SLC25A48: variants seen among roughly 807,000 people sequenced by gnomAD.
SLC25A48 encodes the protein solute carrier family 25 member 48, also known as CTC-321K16.1.
In SLC25A48, 29 loss-of-function variants were observed where a neutral mutation model predicts 32.2. That is an observed-to-expected ratio of 0.90 (90% confidence interval 0.67 to 1.23). SLC25A48 has a LOEUF of 1.23. Among genes scored for constraint, SLC25A48 ranks in the 50% most tolerant of loss-of-function variants. SLC25A48 has a pLI of 0.00. For missense variants in SLC25A48, 399 were observed against 422.7 expected, an observed-to-expected ratio of 0.94 and a Z score of 0.49; for synonymous variants, 164 against 172.3, an observed-to-expected ratio of 0.95 and a Z score of 0.38.
At chr5:135,761,701 AT>A (rs1756064446) in intron 3 of SLC25A48, among the ~76,000 whole-genome samples, 1 of 152,236 alleles carries the variant, frequency 6.6e-6, no homozygotes, top group Admixed American at 6.5e-5. Context: ...AACCGTATTC[AT>A]GGGAAACACA....
At chr5:135,596,449 C>T (rs1048993930) in intron 1 of SLC25A48, among the ~76,000 whole-genome samples, 38 of 152,304 alleles carry the variant, frequency 2.5e-4, no homozygotes, top group African/African-American at 8.7e-4. Flanking sequence ...TTAACAGCAA[C>T]ACCATGTCCC....
intron 4 of SLC25A48, among the ~76,000 whole-genome samples, chr5:135,858,066 A>G (rs60439826): frequency 9.6e-4 from 143 of 148,858 alleles, no homozygotes; most frequent in African/African-American, 3.3e-3. Flanking sequence ...CTGTATGGCA[A>G]TCTGCCCATG....
In SLC25A48 at chr5:135,622,562, C is replaced by T. The variant is rs376447662; in HGVS notation, c.-848-6675C>T. Among the ~76,000 whole-genome samples, 27 of 152,060 alleles carry T rather than the reference C, an allele frequency of 1.8e-4. 1 individual carries two copies. The highest frequency in any genetic ancestry group is 6.3e-4 in the African/African-American group (26 of 41,480). ...ATGCTCATAATGTATTAAGTGAAAA[C>T]ACCAGGATATAAGCTATATATAGCA... On this transcript the variant is annotated intron_variant, in intron 1 of 10. Coordinates refer to the SLC25A48 transcript ENST00000646290.
At chr5:135,695,173 G>C (rs953308041) in intron 3 of SLC25A48, among the ~76,000 whole-genome samples, 1 of 152,134 alleles carries the variant, frequency 6.6e-6, no homozygotes, top group Non-Finnish European at 1.5e-5. Flanking sequence ...TCATTCATGA[G>C]TCAACTCCAA....
chr5:135,788,796 C>T (rs1187811133), intron 3 of SLC25A48, among the ~76,000 whole-genome samples: 2 of 148,864 alleles, frequency 1.3e-5, no homozygotes, highest in Non-Finnish European at 3.0e-5. Flanking sequence ...TATTACTCCC[C>T]GTGTGGTGGT....
At chr5:135,854,147 G>C (rs1297681417) in intron 4 of SLC25A48, among the ~76,000 whole-genome samples, 1 of 152,210 alleles carries the variant, frequency 6.6e-6, no homozygotes, top group East Asian at 1.9e-4. Flanking sequence ...AGGCCTTGTT[G>C]TTCCTTTTCT....
At chr5:135,747,327 G>A (rs1192047024) in intron 3 of SLC25A48, among the ~76,000 whole-genome samples, 1 of 139,272 alleles carries the variant, frequency 7.2e-6, no homozygotes, top group Non-Finnish European at 1.5e-5. Flanking sequence ...TTTTTTTTTG[G>A]AGTCTCACTA....
chr5:135,831,089 C>G (rs1758193710), upstream of SLC25A48, among the ~76,000 whole-genome samples: 1 of 152,090 alleles, frequency 6.6e-6, no homozygotes, highest in South Asian at 2.1e-4. Flanking sequence ...GAGGGAGCTG[C>G]AGGTGGAGGG....
intron 3 of SLC25A48, among the ~76,000 whole-genome samples, chr5:135,807,657 A>G (rs1164313687): frequency 6.7e-6 from 1 of 149,196 alleles, no homozygotes; most frequent in Non-Finnish European, 1.5e-5. Flanking sequence ...TATTAATATC[A>G]TAGTTTGTTA....
chr5:135,755,110 A>G (rs539369851), intron 3 of SLC25A48, among the ~76,000 whole-genome samples: 1 of 152,208 alleles, frequency 6.6e-6, no homozygotes, highest in East Asian at 1.9e-4. Context: ...GTGCTTACAC[A>G]CTGTGATATT....
At chr5:135,748,034 CATCTGGAGCCCA>C (rs1346035832) in intron 3 of SLC25A48, among the ~76,000 whole-genome samples, 1 of 152,170 alleles carries the variant, frequency 6.6e-6, no homozygotes, top group African/African-American at 2.4e-5. Flanking sequence ...TGCCCCCTGC[CATCTGGAGCCCA>C]ATCTGGTCAG....
chr5:135,857,182 A>G (rs1436899140), intron 4 of SLC25A48, among the ~76,000 whole-genome samples: 1 of 152,174 alleles, frequency 6.6e-6, no homozygotes, highest in Admixed American at 6.5e-5. Context: ...TTTTTGTTCT[A>G]TCCTCTGTCC....
At chr5:135,661,018 C>T (rs1365808208) in intron 3 of SLC25A48, among the ~76,000 whole-genome samples, 2 of 152,232 alleles carry the variant, frequency 1.3e-5, no homozygotes, top group East Asian at 1.9e-4. Context: ...ATGCCCCTGA[C>T]TTTGTCAGTC....
At chr5:135,665,930 C>G (rs1753515296) in intron 3 of SLC25A48, among the ~76,000 whole-genome samples, 1 of 152,130 alleles carries the variant, frequency 6.6e-6, no homozygotes, top group South Asian at 2.1e-4. Flanking sequence ...CTGTAGAATA[C>G]TTATTTGGGT....
At chr5:135,839,905 CCTT>C in intron 1 of SLC25A48, among the ~76,000 whole-genome samples, 2 of 152,306 alleles carry the variant, frequency 1.3e-5, no homozygotes, top group South Asian at 4.2e-4. Context: ...ATGACTTGCT[CCTT>C]CTTCACCTTC....
intron 1 of SLC25A48, among the ~76,000 whole-genome samples, chr5:135,607,098 C>G (rs1429606416): frequency 2.6e-5 from 4 of 152,216 alleles, no homozygotes; most frequent in African/African-American, 9.6e-5. Flanking sequence ...CCTCCTCCTT[C>G]TCATGCCCCA....
At chr5:135,875,287 TCA>T (rs1761959016) in intron 6 of SLC25A48, 1 of 152,332 alleles carries the variant, frequency 6.6e-6, no homozygotes, top group African/African-American at 2.4e-5. Context: ...AAGGGGCTTC[TCA>T]CACACCACCA....
intron 3 of SLC25A48, among the ~76,000 whole-genome samples, chr5:135,802,793 C>T (rs1757366648): frequency 6.6e-6 from 1 of 150,476 alleles, no homozygotes; most frequent in Non-Finnish European, 1.5e-5. Flanking sequence ...TAAGTACACC[C>T]TGTGATATTA....
intron 1 of SLC25A48, among the ~76,000 whole-genome samples, chr5:135,626,610 G>T (rs1381020099): frequency 1.3e-5 from 2 of 152,208 alleles, no homozygotes; most frequent in Non-Finnish European, 2.9e-5. Context: ...CTGCAAAGCA[G>T]GCTTCCTAAT....
Sources: gnomAD v4.1 joint callset for allele counts (sites outside exome capture counted in the v4.1 genomes callset) on GRCh38, gnomAD v4.1.1 for gene constraint, MANE v1.5 for transcripts, NCBI Gene and HGNC (gene_info 2026-07-23, HGNC 2026-07-21) for gene names.